Variants in KIF13B observed in about 807,000 individuals in gnomAD.
The protein encoded by KIF13B is kinesin-like protein KIF13B.
In KIF13B, 127 loss-of-function variants were observed where a neutral mutation model predicts 222.0. The ratio of observed to expected loss-of-function variants is 0.57; its 90% confidence interval spans 0.50 to 0.66. The LOEUF (loss-of-function observed/expected upper bound fraction) is 0.66. Ranked by LOEUF, KIF13B falls within the 30% of genes least tolerant of loss-of-function variation. The pLI is 0.00. For missense variants in KIF13B, 2,173 were observed against 2,379.0 expected (o/e 0.91, Z 1.80); for synonymous variants, 976 against 919.0 (o/e 1.06, Z -1.12).
intron 12 of KIF13B, among the ~76,000 whole-genome samples, chr8:29,161,671 G>A (rs1027947633): frequency 1.3e-5 from 2 of 151,422 alleles, no homozygotes; most frequent in Non-Finnish European, 1.5e-5. Flanking sequence ...ACTCCAGCCT[G>A]GGCGACAGAG....
chr8:29,224,177 T>TA (rs1373092570), intron 2 of KIF13B, among the ~76,000 whole-genome samples: 60 of 8,428 alleles, frequency 7.1e-3, no homozygotes, highest in Non-Finnish European at 0.014. Flanking sequence ...TGTGTGTGTA[T>TA]TTTTTTTAGT....
At chr8:29,146,349 T>C (rs1419511916) in intron 18 of KIF13B, 29 bp downstream of exon 18, 43 of 1,611,910 alleles carry the variant, frequency 2.7e-5, no homozygotes, top group Non-Finnish European at 3.6e-5. Flanking sequence ...AATGAGATCT[T>C]TGTTTTTTTC....
At chr8:29,199,081 A>ATTTTTTTTTTTTTTTTTTT (rs1435870446) in intron 2 of KIF13B, among the ~76,000 whole-genome samples, 33 of 151,570 alleles carry the variant, frequency 2.2e-4, no homozygotes, top group African/African-American at 7.1e-4. Flanking sequence ...AAAAAAATAA[A>ATTTTTTTTTTTTTTTTTTT]ATTTTTTAAA....
At position 29,072,213 on chromosome 8, in the gene KIF13B, A is replaced by C. The variant is rs766983278; in HGVS notation, c.4625T>G (p.Ile1542Arg). 6 of 1,467,876 alleles carry C rather than the reference A, an allele frequency of 4.1e-6. No individual in the cohort carries two copies. The highest frequency in any genetic ancestry group is 4.5e-6 in the Non-Finnish European group (5 of 1,113,342). 90.9% of individuals were successfully genotyped at this position (1,467,876 alleles called of 1,614,324 possible). ...PAKVPSPPPV[I>R]AVTAVTPAPE... ...AGCCGGGGTGACCGCTGTGACAGCT[A>C]TGACAGGCGGTGGGGAAGGCACTTT... The change falls in exon 39 of 40, where the codon ATA (isoleucine) becomes AGA (arginine). Residue 1542 changes from isoleucine (I) to arginine (R), a missense_variant. Physicochemically the swap from Ile to Arg is moderately conservative, Grantham distance 97. Around this residue, in one of 2 missense-constraint regions of KIF13B, gnomAD observed 693 missense variants for 656.2 expected, o/e 1.06. Coordinates refer to ENST00000524189, the MANE Select transcript of KIF13B (RefSeq NM_015254.4).
At chr8:29,121,104 C>A (rs544792381) in intron 29 of KIF13B, among the ~76,000 whole-genome samples, 7 of 151,554 alleles carry the variant, frequency 4.6e-5, no homozygotes, top group Non-Finnish European at 7.4e-5. Context: ...GAGTAGGTTG[C>A]GAAATCGTGA....
chr8:29,095,433 C>A (rs1808478495), intron 36 of KIF13B, among the ~76,000 whole-genome samples: 1 of 152,134 alleles, frequency 6.6e-6, no homozygotes, highest in African/African-American at 2.4e-5. Flanking sequence ...AAGATACTTT[C>A]AAAAAAGGAG....
rs1300886680 is a variant in KIF13B at position 29,122,519 on chromosome 8, G to C, written c.3535+72C>G. On this transcript the variant is annotated intron_variant, in intron 29 of 39. Transcript: ENST00000524189. ...GACAGAATTGCCTCACGATGCACTT[G>C]GTTGGAATCTACATGTTATGTAGGC... 1.1e-5 allele frequency: 13 copies of C among 1,233,152 alleles called. No homozygotes were observed. The East Asian group carries it at 3.2e-4, about 30-fold the overall frequency. The allele number at this position is 1,233,152 out of a possible 1,614,324, so 76.4% of individuals were successfully genotyped here. A position where few individuals can be genotyped will look rare whatever the true frequency, so the allele number is the denominator to read the frequency against.
chr8:29,097,999 G>A (rs568767528), intron 36 of KIF13B, among the ~76,000 whole-genome samples: 9 of 151,140 alleles, frequency 6.0e-5, no homozygotes, highest in South Asian at 2.1e-4. Context: ...GTGAAACTCC[G>A]TCTCTACTAA....
intron 24 of KIF13B, 102 bp from the exon 25 acceptor site, chr8:29,127,370 TCAGA>T: frequency 1.1e-6 from 1 of 902,220 alleles, no homozygotes; most frequent in Non-Finnish European, 1.7e-6. Flanking sequence ...AATGTTTAAT[TCAGA>T]CACTGTCACT....
At chr8:29,231,894 T>C (rs991815152) in intron 2 of KIF13B, among the ~76,000 whole-genome samples, 6 of 152,162 alleles carry the variant, frequency 3.9e-5, no homozygotes, top group Admixed American at 1.3e-4. Context: ...TTAAGAATTA[T>C]AAAGAACCTG....
chr8:29,086,407 G>C (rs1314662820), intron 37 of KIF13B, among the ~76,000 whole-genome samples: 5 of 152,112 alleles, frequency 3.3e-5, no homozygotes, highest in Admixed American at 2.6e-4. Context: ...TTTAGTCCCA[G>C]CTACTTGGGA....
Position 29,109,962 on chromosome 8 carries a change from C to G in KIF13B, c.4039G>C (p.Val1347Leu). ...GTCAGGAGGTTTTCTACAGCCAGCACGCTCCTGAGGTACTTTTCAATATAA... is the reference window on the plus strand; with the variant it reads ...GTCAGGAGGTTTTCTACAGCCAGCAGGCTCCTGAGGTACTTTTCAATATAA... Reference protein sequence around the residue: ...EAYIEKYLRSVLAVENLLTLD... With the variant: ...EAYIEKYLRSLLAVENLLTLD... The change falls in exon 33 of 40, where the codon GTG (valine) becomes CTG (leucine). Residue 1347 changes from valine to leucine, a missense_variant. Physicochemically the swap from Val to Leu is conservative, Grantham distance 32. Transcript: ENST00000524189. The G allele has an allele frequency of 6.2e-7, 1 of 1,613,302 alleles. No homozygotes were observed. Among genetic ancestry groups the G allele is most frequent in the Non-Finnish European group, 8.5e-7 (1 of 1,179,646 alleles).
intron 2 of KIF13B, among the ~76,000 whole-genome samples, chr8:29,217,768 A>G (rs537242745): frequency 6.6e-6 from 1 of 152,286 alleles, no homozygotes; most frequent in South Asian, 2.1e-4. Flanking sequence ...ACAAAGCACT[A>G]AGGTGCCCAG....
chr8:29,133,740 A>C (rs764831490), intron 22 of KIF13B, among the ~76,000 whole-genome samples: 1 of 152,194 alleles, frequency 6.6e-6, no homozygotes, highest in Non-Finnish European at 1.5e-5. Context: ...ACTTTCTCTA[A>C]AACACAAGTT....
Position 29,109,934 on chromosome 8 carries a change from A to G in KIF13B, c.4067T>C (p.Leu1356Ser), listed in dbSNP as rs1369476648. The G allele has an allele frequency of 9.3e-6, 15 of 1,613,554 alleles. No homozygotes were observed. Among genetic ancestry groups the G allele is most frequent in the South Asian group, 4.4e-5 (4 of 90,934 alleles). Residue 1356 changes from leucine to serine, a missense_variant, in exon 33 of 40, where the codon TTA becomes TCA. Leu to Ser is a moderately radical substitution (Grantham distance 145). Coordinates refer to ENST00000524189, the MANE Select transcript of KIF13B (RefSeq NM_015254.4). ...TTGGCTAACCTGGCGCAGACGATCT[A>G]AAGTCAGGAGGTTTTCTACAGCCAG... ...SVLAVENLLT[L>S]DRLRQEVAVK...
intron 37 of KIF13B, among the ~76,000 whole-genome samples, chr8:29,085,900 T>TC (rs1440438129): frequency 6.6e-6 from 1 of 150,776 alleles, no homozygotes; most frequent in African/African-American, 2.4e-5. Flanking sequence ...TAAACCATTT[T>TC]CCCACTGTCA....
chr8:29,098,926 C>T (rs1808665265), intron 36 of KIF13B, among the ~76,000 whole-genome samples: 1 of 152,172 alleles, frequency 6.6e-6, no homozygotes, highest in Non-Finnish European at 1.5e-5. Flanking sequence ...GCTAACACAT[C>T]ATGATCAGGC....
intron 37 of KIF13B, among the ~76,000 whole-genome samples, chr8:29,080,291 C>T (rs1233243062): frequency 7.0e-6 from 1 of 143,036 alleles, no homozygotes; most frequent in African/African-American, 2.6e-5. Flanking sequence ...GATCATGCCA[C>T]TCACTCACCC....
chr8:29,255,290 C>G (rs920698189), intron 1 of KIF13B, among the ~76,000 whole-genome samples: 3 of 152,062 alleles, frequency 2.0e-5, no homozygotes, highest in African/African-American at 7.3e-5. Context: ...TATCTAAAAA[C>G]CAAGAAGAAA....
Sources: allele counts gnomAD v4.1 joint callset (sites outside exome capture counted in the v4.1 genomes callset), GRCh38; gene constraint gnomAD v4.1.1; regional missense constraint gnomAD v4.1.1; transcripts MANE v1.5; gene names NCBI Gene and HGNC (gene_info 2026-07-23, HGNC 2026-07-21).